The following HSPA4L variants were observed in gnomAD, a reference collection of about 807,000 sequenced individuals.
HSPA4L encodes the protein heat shock protein family A (Hsp70) member 4 like.
Under a neutral mutation model 100.3 loss-of-function variants are expected in HSPA4L, and 48 were observed. The ratio of observed to expected loss-of-function variants is 0.48; its 90% CI spans 0.38 to 0.61. The LOEUF (loss-of-function observed/expected upper bound fraction) is 0.61, where lower values mean the gene tolerates loss of function less well. Ranked by LOEUF, HSPA4L falls within the 20% of genes least tolerant of loss-of-function variation. The pLI is 0.00. For missense variants in HSPA4L, 886 were observed against 988.6 expected (o/e 0.90, Z 1.39); for synonymous variants, 319 against 328.2 (o/e 0.97, Z 0.30).
intron 17 of HSPA4L, 134 bp downstream of exon 17, chr4:127,827,558 T>G (rs1733978667): frequency 1.0e-6 from 1 of 968,338 alleles, no homozygotes; most frequent in Non-Finnish European, 1.5e-6. Context: ...TGTACCAAAC[T>G]TAAAACTTTT....
chr4:127,826,651 T>C (rs1733957992), intron 16 of HSPA4L, among the ~76,000 whole-genome samples: 1 of 152,200 alleles, frequency 6.6e-6, no homozygotes, highest in Admixed American at 6.5e-5. Context: ...AATTTCCTTT[T>C]AACTTTTCTG....
chr4:127,782,698 G>C lies in HSPA4L; in HGVS notation c.107+41G>C. 2.1e-6 allele frequency: 3 copies of C among 1,420,420 alleles called. No individual in the cohort carries two copies. In the African/African-American group the frequency reaches 4.3e-5, roughly 20 times the overall value. The allele number at this position is 1,420,420 out of a possible 1,614,324, so 88.0% of individuals were successfully genotyped here. A position where few individuals can be genotyped will look rare whatever the true frequency, so the allele number is the denominator to read the frequency against. On this transcript the variant is annotated intron_variant, in intron 1 of 18. Transcript: ENST00000296464. ...GAGCATCACCTCGACCCTAAGAAACGTTTTTCTCTCCCGTCCTTAACGTTT... is the reference window on the plus strand; with the variant it reads ...GAGCATCACCTCGACCCTAAGAAACCTTTTTCTCTCCCGTCCTTAACGTTT...
chr4:127,786,011 G>A (rs758790170), intron 1 of HSPA4L, among the ~76,000 whole-genome samples: 2 of 152,150 alleles, frequency 1.3e-5, no homozygotes, highest in Non-Finnish European at 2.9e-5. Context: ...CCAGGCTTAA[G>A]TATACCAAGG....
chr4:127,799,282 C>T (rs535562955), intron 4 of HSPA4L, among the ~76,000 whole-genome samples: 44 of 151,952 alleles, frequency 2.9e-4, no homozygotes, highest in African/African-American at 8.7e-4. Context: ...GTTTAGTAAT[C>T]AATTTTTTTT....
chr4:127,805,010 G>A lies in HSPA4L; in HGVS notation c.986-63G>A, dbSNP rs140293819. The A allele has an allele frequency of 5.6e-3, 6,216 of 1,111,140 alleles. 26 individuals are homozygous for A. The highest frequency in any genetic ancestry group is 6.4e-3 in the Non-Finnish European group (5,028 of 785,146). The allele number at this position is 1,111,140 out of a possible 1,614,324, so 68.8% of individuals were successfully genotyped here. ...CAATCCACTTTTTAAAAAAGTACTC[G>A]ACAAAGCCTTCTGTTGAGATTTTTA... is the stretch of plus-strand genomic sequence containing the variant. On this transcript the variant is annotated intron_variant, in intron 8 of 18. Transcript: ENST00000296464.
intron 12 of HSPA4L, 25 bp from the exon 13 acceptor site, chr4:127,818,300 T>C: frequency 6.7e-7 from 1 of 1,498,124 alleles, no homozygotes; most frequent in South Asian, 1.2e-5. Flanking sequence ...CTGCGTATAT[T>C]ATCAATTATG....
chr4:127,823,242 G>A lies in HSPA4L; in HGVS notation c.1939-275G>A, dbSNP rs143206878. ...CAGCTCACTGCAACTTCTACTTCCC[G>A]GGCTCAAGCAGTCCTCTCACCTCAC... On this transcript the variant is annotated intron_variant, in intron 15 of 18. Coordinates refer to ENST00000296464, the MANE Select transcript of HSPA4L (RefSeq NM_014278.4). Among the ~76,000 whole-genome samples the A allele has an allele frequency of 1.4e-4, 21 of 152,056 alleles. No homozygotes were observed. In the East Asian group the frequency reaches 3.5e-3, roughly 25 times the overall value.
intron 16 of HSPA4L, among the ~76,000 whole-genome samples, chr4:127,825,879 T>C (rs1032294220): frequency 1.3e-5 from 2 of 150,150 alleles, no homozygotes; most frequent in South Asian, 2.1e-4. Flanking sequence ...TGAGTTGAGA[T>C]TGCGTCATTG....
intron 17 of HSPA4L, among the ~76,000 whole-genome samples, chr4:127,828,535 A>G (rs185558444): frequency 1.3e-5 from 2 of 152,262 alleles, no homozygotes; most frequent in African/African-American, 4.8e-5. Context: ...GTCTGACATC[A>G]ATATACAAAT....
At chr4:127,800,004 T>G (rs1733130370) in intron 4 of HSPA4L, among the ~76,000 whole-genome samples, 1 of 152,214 alleles carries the variant, frequency 6.6e-6, no homozygotes, top group Non-Finnish European at 1.5e-5. Context: ...ATTTGAAACT[T>G]AAAACTGGAA....
chr4:127,828,230 C>A (rs187557446), intron 17 of HSPA4L, among the ~76,000 whole-genome samples: 105 of 152,144 alleles, frequency 6.9e-4, no homozygotes, highest in African/African-American at 2.4e-3. Flanking sequence ...GTTTTTTAAT[C>A]CCTACTCTAA....
chr4:127,797,964 T>G (rs925183101), intron 3 of HSPA4L, among the ~76,000 whole-genome samples: 2 of 152,152 alleles, frequency 1.3e-5, no homozygotes, highest in Non-Finnish European at 2.9e-5. Flanking sequence ...TTATTTCTGT[T>G]TGCTTGATTT....
chr4:127,802,027 G>C (rs1415883161), intron 6 of HSPA4L, 109 bp downstream of exon 6: 1 of 737,988 alleles, frequency 1.4e-6, no homozygotes. Flanking sequence ...ATGACCTCAA[G>C]CAAGTTACTT....
intron 11 of HSPA4L, 57 bp downstream of exon 11, chr4:127,808,186 T>A (rs143804133): frequency 0.018 from 24,846 of 1,405,284 alleles, 294 homozygotes; most frequent in South Asian, 0.026. Flanking sequence ...AATGTGTTAT[T>A]TTAGAATCAA....
At position 127,807,989 on chromosome 4, in the gene HSPA4L, A is replaced by C; in HGVS notation, c.1245-7A>C. ...GTTTCTAAGTGAGTTCTTTCCCTCC[A>C]TTTTAGGGAATGTGAAGTTTTCTGT... On this transcript the variant is annotated splice_region_variant and splice_polypyrimidine_tract_variant and intron_variant, in intron 10 of 18. Coordinates refer to ENST00000296464, the MANE Select transcript of HSPA4L (RefSeq NM_014278.4). 6.2e-7 allele frequency: 1 copy of C among 1,606,436 alleles called. No homozygotes were observed. The highest frequency in any genetic ancestry group is 8.5e-7 in the Non-Finnish European group (1 of 1,177,974).
At chr4:127,828,360 A>G (rs7664373) in intron 17 of HSPA4L, among the ~76,000 whole-genome samples, 2 of 152,148 alleles carry the variant, frequency 1.3e-5, no homozygotes, top group Non-Finnish European at 2.9e-5. Flanking sequence ...TATTGTGCAC[A>G]TCATGAATTT....
Position 127,812,326 on chromosome 4 carries a change from G to A in HSPA4L, c.1578+690G>A, listed in dbSNP as rs556923611. On this transcript the variant is annotated intron_variant, in intron 12 of 18. Coordinates refer to ENST00000296464, the MANE Select transcript of HSPA4L (RefSeq NM_014278.4). ...CAGGAGGCTGAGGCAGGAGAATGGC[G>A]TGAACCCGGGAGGCGGAGTTTGCAG... Among the ~76,000 whole-genome samples the A allele has an allele frequency of 2.0e-5, 3 of 150,982 alleles. No homozygotes were observed. The South Asian group carries it at 6.3e-4, about 32-fold the overall frequency.
Position 127,818,421 on chromosome 4 carries a change from G to A in HSPA4L, c.1674+1G>A. The stretch of plus-strand genomic sequence containing the variant: ...TGATCATACAGGAGCCAAAACAAAG[G>A]TTTGGTTTACTTTTTCTGTAGTTAT... On this transcript the variant is annotated splice_donor_variant, in intron 13 of 18. Coordinates refer to ENST00000296464, the MANE Select transcript of HSPA4L (RefSeq NM_014278.4). LOFTEE classifies it high-confidence loss of function. 1.3e-6 allele frequency: 2 copies of A among 1,582,982 alleles called. No individual in the cohort carries two copies.
At chr4:127,813,463 T>C (rs1733595361) in intron 12 of HSPA4L, 2 of 322,204 alleles carry the variant, frequency 6.2e-6, no homozygotes, top group African/African-American at 4.3e-5. Context: ...AATGTCTTTA[T>C]TTGTTAGTGA....
Sources: allele counts gnomAD v4.1 joint callset (sites outside exome capture counted in the v4.1 genomes callset), GRCh38; gene constraint gnomAD v4.1.1; transcripts MANE v1.5; gene names NCBI Gene and HGNC (gene_info 2026-07-23, HGNC 2026-07-21).